Variants in LMBR1 observed in about 807,000 individuals in gnomAD.
LMBR1 encodes limb region 1 protein homolog.
Under a neutral mutation model 73.9 loss-of-function variants are expected in LMBR1, and 52 were observed. The observed-to-expected ratio is 0.70, with a 90% CI of 0.56 to 0.89. The LOEUF is 0.89. LMBR1 is among the 40% of genes least tolerant of loss of function. The pLI, the probability that LMBR1 is intolerant of heterozygous loss-of-function variation, is 0.00. For synonymous variants in LMBR1, 215 were observed against 209.4 expected (o/e 1.03, Z -0.23); for missense variants, 539 against 579.8 (o/e 0.93, Z 0.72).
rs181841389 is a variant in LMBR1 at position 156,743,486 on chromosome 7, G to A, written c.758-9229C>T. 4.1e-3 allele frequency among the ~76,000 whole-genome samples: 626 copies of A among 152,266 alleles called. 2 individuals carry two copies. The highest frequency in any genetic ancestry group is 5.6e-3 in the Non-Finnish European group (379 of 68,020). On this transcript the variant is annotated intron_variant, in intron 9 of 16. Coordinates refer to ENST00000353442, the MANE Select transcript of LMBR1 (RefSeq NM_022458.4). Reference sequence around the variant, plus strand: ...AAATGAGGAAATAATTTCATATAATGAGAAGTTTAGACACAGAGCAAACTT... The same window carrying A: ...AAATGAGGAAATAATTTCATATAATAAGAAGTTTAGACACAGAGCAAACTT...
chr7:156,702,653 A>G (rs1353309441), intron 15 of LMBR1, among the ~76,000 whole-genome samples: 1 of 152,110 alleles, frequency 6.6e-6, no homozygotes. Flanking sequence ...TCATTTCTTA[A>G]TATTTTTACT....
At chr7:156,891,697 G>A (rs554503109) in intron 1 of LMBR1, among the ~76,000 whole-genome samples, 46 of 152,112 alleles carry the variant, frequency 3.0e-4, no homozygotes, top group Non-Finnish European at 5.7e-4. Context: ...GGATTCAGGA[G>A]TACACAGGCG....
intron 5 of LMBR1, among the ~76,000 whole-genome samples, chr7:156,777,746 C>T (rs187360266): frequency 3.8e-4 from 58 of 152,334 alleles, no homozygotes; most frequent in Non-Finnish European, 6.3e-4. Flanking sequence ...CTCACCAGTA[C>T]CTTAAACTTA....
At chr7:156,707,681 A>C (rs1006319373) in intron 15 of LMBR1, among the ~76,000 whole-genome samples, 1 of 152,164 alleles carries the variant, frequency 6.6e-6, no homozygotes, top group African/African-American at 2.4e-5. Flanking sequence ...TTCATGACGA[A>C]AGCCCTCCAC....
At chr7:156,817,035 T>G (rs1473587913) in intron 4 of LMBR1, among the ~76,000 whole-genome samples, 1 of 152,230 alleles carries the variant, frequency 6.6e-6, no homozygotes, top group East Asian at 1.9e-4. Flanking sequence ...GAAACCTATT[T>G]GAAAGATATC....
intron 15 of LMBR1, among the ~76,000 whole-genome samples, chr7:156,688,777 A>AT (rs887002476): frequency 6.9e-4 from 104 of 150,966 alleles, no homozygotes; most frequent in African/African-American, 2.2e-3. Context: ...TACATAGACT[A>AT]TTTTTTTTTC....
chr7:156,845,384 C>A (rs1425951893), intron 1 of LMBR1, among the ~76,000 whole-genome samples: 1 of 151,962 alleles, frequency 6.6e-6, no homozygotes, highest in East Asian at 1.9e-4. Flanking sequence ...AAATACACTT[C>A]TTTGAAATTA....
At chr7:156,781,585 G>A (rs1287585470) in intron 5 of LMBR1, among the ~76,000 whole-genome samples, 1 of 152,032 alleles carries the variant, frequency 6.6e-6, no homozygotes, top group African/African-American at 2.4e-5. Flanking sequence ...CCTCTGTTTA[G>A]CTAATGTGAG....
At chr7:156,768,602 G>A (rs945048390) in intron 5 of LMBR1, among the ~76,000 whole-genome samples, 1 of 152,150 alleles carries the variant, frequency 6.6e-6, no homozygotes, top group African/African-American at 2.4e-5. Context: ...GGCCTAACTG[G>A]GTGGTTTGGC....
chr7:156,763,429 AC>A (rs2132931999), intron 6 of LMBR1, among the ~76,000 whole-genome samples: 1 of 81,026 alleles, frequency 1.2e-5, no homozygotes, highest in African/African-American at 5.4e-5. Context: ...AAGAACAGAA[AC>A]CAATTAACAA....
chr7:156,792,906 T>G (rs1829469465), intron 5 of LMBR1, among the ~76,000 whole-genome samples: 2 of 142,040 alleles, frequency 1.4e-5, no homozygotes, highest in African/African-American at 2.6e-5. Flanking sequence ...ACCAGGAGGG[T>G]GGCCACAGGA....
At chr7:156,760,344 T>G (rs1407198860) in intron 8 of LMBR1, among the ~76,000 whole-genome samples, 1 of 152,178 alleles carries the variant, frequency 6.6e-6, no homozygotes, top group East Asian at 1.9e-4. Flanking sequence ...TACGTTGAGT[T>G]TTCAGCTCCA....
intron 9 of LMBR1, among the ~76,000 whole-genome samples, chr7:156,748,941 T>C (rs547835040): frequency 3.3e-5 from 5 of 152,218 alleles, no homozygotes; most frequent in Non-Finnish European, 4.4e-5. Context: ...TCATTTCATC[T>C]TGCAAAAAAA....
chr7:156,882,260 A>T (rs1801203965), intron 1 of LMBR1, among the ~76,000 whole-genome samples: 1 of 152,154 alleles, frequency 6.6e-6, no homozygotes, highest in African/African-American at 2.4e-5. Flanking sequence ...TGGGCATCAT[A>T]GTGAGACATC....
intron 4 of LMBR1, among the ~76,000 whole-genome samples, chr7:156,804,785 T>A (rs1366019129): frequency 1.4e-4 from 22 of 152,004 alleles, no homozygotes; most frequent in Admixed American, 1.4e-3. Context: ...TTTCTCCCAG[T>A]CTGTAGACTC....
intron 1 of LMBR1, among the ~76,000 whole-genome samples, chr7:156,851,009 C>G (rs901718047): frequency 6.6e-6 from 1 of 152,086 alleles, no homozygotes; most frequent in African/African-American, 2.4e-5. Flanking sequence ...TTATCCATTC[C>G]CTCTTGCTCC....
At chr7:156,834,458 C>G (rs1488105136) in intron 2 of LMBR1, 1 of 215,420 alleles carries the variant, frequency 4.6e-6, no homozygotes, top group Non-Finnish European at 9.6e-6. Flanking sequence ...TAAAAATTAA[C>G]TAGGCATGGT....
chr7:156,864,764 G>A (rs934650609), intron 1 of LMBR1, among the ~76,000 whole-genome samples: 9 of 152,012 alleles, frequency 5.9e-5, no homozygotes, highest in Non-Finnish European at 1.2e-4. Flanking sequence ...TGGGAGGCCC[G>A]ACACGGGTGG....
intron 1 of LMBR1, among the ~76,000 whole-genome samples, chr7:156,860,527 G>A (rs1459191977): frequency 6.6e-6 from 1 of 151,956 alleles, no homozygotes; most frequent in Non-Finnish European, 1.5e-5. Context: ...CAAATCTAAT[G>A]TCCTCATATT....
Sources: allele counts gnomAD v4.1 joint callset (sites outside exome capture counted in the v4.1 genomes callset), GRCh38; gene constraint gnomAD v4.1.1; transcripts MANE v1.5; gene names NCBI Gene and HGNC (gene_info 2026-07-23, HGNC 2026-07-21).